Variants in THRB observed in about 807,000 individuals in gnomAD.
THRB encodes the protein thyroid hormone receptor beta.
Under a neutral mutation model 47.8 loss-of-function variants are expected in THRB, and 12 were observed. The ratio of observed to expected loss-of-function variants is 0.25; its 90% CI spans 0.16 to 0.41. THRB has a LOEUF of 0.41. Ranked by LOEUF, THRB falls within the 10% of genes least tolerant of loss-of-function variation. The pLI, the probability that THRB is intolerant of heterozygous loss-of-function variation, is 1.00. For missense variants in THRB, 348 were observed against 589.2 expected (o/e 0.59, Z 4.24); for synonymous variants, 218 against 212.2 (o/e 1.03, Z -0.24).
At position 24,228,948 on chromosome 3, in the gene THRB, G is replaced by T. The variant is rs1180804605; in HGVS notation, c.12C>A (p.Asn4Lys). 6.2e-7 allele frequency: 1 copy of T among 1,611,982 alleles called. No individual in the cohort carries two copies. The highest frequency in any genetic ancestry group is 8.5e-7 in the Non-Finnish European group (1 of 1,178,918). ...AAAAAAAAAAGATACCTGTCATACT[G>T]TTGGGAGTCATAGGTTAGTAATCAT... The part of the protein sequence containing the change: MTP[N>K]SMTENGLTAW... Residue 4 changes from asparagine (N) to lysine (K), a missense_variant, in exon 4 of 11, where the codon AAC (asparagine) becomes AAA (lysine). Physicochemically the swap from Asn to Lys is moderately conservative, Grantham distance 94. Transcript: ENST00000646209.
chr3:24,154,305 G>A (rs147562260), intron 5 of THRB, among the ~76,000 whole-genome samples: 25 of 152,278 alleles, frequency 1.6e-4, no homozygotes, highest in African/African-American at 2.4e-4. Flanking sequence ...AATGCTTTGC[G>A]CGTTCATTCA....
chr3:24,157,225 G>GCTTGGAGT (rs566312772), intron 5 of THRB, among the ~76,000 whole-genome samples: 107 of 152,132 alleles, frequency 7.0e-4, no homozygotes, highest in African/African-American at 2.5e-3. Context: ...GCCTACCCCT[G>GCTTGGAGT]CTTGGAGTCT....
intron 3 of THRB, among the ~76,000 whole-genome samples, chr3:24,233,004 G>C (rs1347970042): frequency 6.6e-6 from 1 of 152,154 alleles, no homozygotes; most frequent in African/African-American, 2.4e-5. Context: ...GTGGTGCTGA[G>C]AATCATGCAG....
At chr3:24,353,519 T>C (rs1340187633) in intron 1 of THRB, among the ~76,000 whole-genome samples, 7 of 152,142 alleles carry the variant, frequency 4.6e-5, no homozygotes, top group Non-Finnish European at 1.0e-4. Flanking sequence ...AAATAAAGTG[T>C]CTTCATTTTT....
At chr3:24,455,511 C>A (rs1460487813) in intron 1 of THRB, 1 of 152,100 alleles carries the variant, frequency 6.6e-6, no homozygotes, top group African/African-American at 2.4e-5. Context: ...AATGGAAGCA[C>A]AACTTTGGTT....
intron 5 of THRB, among the ~76,000 whole-genome samples, chr3:24,184,409 A>G (rs1242328842): frequency 6.6e-6 from 1 of 152,224 alleles, no homozygotes; most frequent in Admixed American, 6.5e-5. Context: ...GGCCTTGGAA[A>G]GCGTGGGGTG....
Position 24,122,876 on chromosome 3 carries a change from C to CAGT in THRB, c.*5_*7dup, listed in dbSNP as rs2031938304. The stretch of plus-strand genomic sequence containing the variant: ...GCTGTAGGAATTATGAGAATGAATC[C>CAGT]AGTCAGTCTAATCCTCGAACACTTC... On this transcript the variant is annotated 3_prime_UTR_variant, in exon 11 of 11. Coordinates refer to ENST00000646209, the MANE Select transcript of THRB (RefSeq NM_001354712.2). 6.2e-7 allele frequency: 1 copy of CAGT among 1,613,904 alleles called. No individual in the cohort carries two copies. The highest frequency in any genetic ancestry group is 1.3e-5 in the African/African-American group (1 of 74,856).
At chr3:24,393,980 T>C (rs2066768199) in intron 1 of THRB, among the ~76,000 whole-genome samples, 1 of 152,250 alleles carries the variant, frequency 6.6e-6, no homozygotes, top group Non-Finnish European at 1.5e-5. Context: ...GCTCCCAACT[T>C]GGTCCAGGAA....
intron 1 of THRB, among the ~76,000 whole-genome samples, chr3:24,366,101 T>G (rs2064436455): frequency 6.6e-6 from 1 of 152,212 alleles, no homozygotes; most frequent in Admixed American, 6.5e-5. Context: ...CATATTGAAA[T>G]GCATTATTAC....
At chr3:24,151,984 GGTAGA>G (rs1575433298) in intron 6 of THRB, among the ~76,000 whole-genome samples, 1 of 152,054 alleles carries the variant, frequency 6.6e-6, no homozygotes, top group African/African-American at 2.4e-5. Context: ...AACAGCCTGT[GGTAGA>G]GTAAACTCTG....
intron 1 of THRB, among the ~76,000 whole-genome samples, chr3:24,344,503 C>T (rs567987098): frequency 5.3e-5 from 8 of 152,090 alleles, no homozygotes; most frequent in South Asian, 2.1e-4. Flanking sequence ...CAAATTCTGA[C>T]GTATGACCTG....
intron 1 of THRB, among the ~76,000 whole-genome samples, chr3:24,342,973 G>A (rs1348584493): frequency 6.6e-6 from 1 of 152,154 alleles, no homozygotes; most frequent in Non-Finnish European, 1.5e-5. Context: ...GGCAGAAACA[G>A]TGCTACAGCT....
At chr3:24,404,417 C>T (rs193155424) in intron 1 of THRB, among the ~76,000 whole-genome samples, 27 of 152,020 alleles carry the variant, frequency 1.8e-4, no homozygotes, top group Admixed American at 1.4e-3. Flanking sequence ...TAATAAAATA[C>T]TCTTCCTTTT....
intron 1 of THRB, among the ~76,000 whole-genome samples, chr3:24,346,568 A>T (rs905410609): frequency 4.6e-5 from 7 of 152,030 alleles, no homozygotes; most frequent in Non-Finnish European, 1.0e-4. Flanking sequence ...CTTAACTGAG[A>T]CACTTTTGAT....
chr3:24,307,169 C>T (rs912103281), intron 2 of THRB, among the ~76,000 whole-genome samples: 6 of 152,104 alleles, frequency 3.9e-5, no homozygotes, highest in African/African-American at 1.4e-4. Flanking sequence ...TACACAGTGC[C>T]ATGTGTATGC....
At chr3:24,227,840 C>T (rs567228948) in intron 4 of THRB, among the ~76,000 whole-genome samples, 20 of 152,192 alleles carry the variant, frequency 1.3e-4, no homozygotes, top group Non-Finnish European at 2.8e-4. Context: ...TGCCCTGTTG[C>T]CATGGTAACA....
At chr3:24,187,665 G>T (rs969379586) in intron 5 of THRB, among the ~76,000 whole-genome samples, 2 of 152,086 alleles carry the variant, frequency 1.3e-5, no homozygotes, top group African/African-American at 4.8e-5. Context: ...GCATTCTTGT[G>T]GGATACACAG....
chr3:24,240,796 C>T (rs2049405341), intron 3 of THRB, among the ~76,000 whole-genome samples: 1 of 151,772 alleles, frequency 6.6e-6, no homozygotes, highest in African/African-American at 2.4e-5. Context: ...TAACAAGTTC[C>T]TAGGTGATCT....
At chr3:24,364,462 A>G (rs1356719472) in intron 1 of THRB, among the ~76,000 whole-genome samples, 1 of 152,202 alleles carries the variant, frequency 6.6e-6, no homozygotes, top group East Asian at 1.9e-4. Context: ...ATAACTTTCC[A>G]CAAATGAATT....
Sources: allele counts gnomAD v4.1 joint callset (sites outside exome capture counted in the v4.1 genomes callset), GRCh38; gene constraint gnomAD v4.1.1; transcripts MANE v1.5; gene names NCBI Gene and HGNC (gene_info 2026-07-23, HGNC 2026-07-21).